The following GALNT13 variants were observed in gnomAD, a reference collection of about 807,000 sequenced individuals.
GALNT13 encodes the protein polypeptide N-acetylgalactosaminyltransferase 13, also known as UDP-GalNAc:polypeptide N-acetylgalactosaminyltransferase 13.
A neutral mutation model predicts 64.2 loss-of-function variants in GALNT13; 28 were observed. That is an observed-to-expected ratio of 0.44 (90% CI 0.32 to 0.60). GALNT13 has a LOEUF of 0.60. Ranked by LOEUF, GALNT13 falls within the 20% of genes least tolerant of loss-of-function variation. The probability of loss-of-function intolerance (pLI) is 0.05; values close to 1 mark genes in which losing one functional copy is unlikely to be tolerated. For missense variants in GALNT13, 577 were observed against 669.8 expected, an observed-to-expected ratio of 0.86 and a Z score of 1.53; for synonymous variants, 214 against 224.6, an observed-to-expected ratio of 0.95 and a Z score of 0.42.
the GALNT13 span, among the ~76,000 whole-genome samples, chr2:153,431,786 A>C: frequency 3.3e-5 from 5 of 152,270 alleles, no homozygotes; most frequent in Non-Finnish European, 5.9e-5. Context: ...TATTTCACAC[A>C]GAATGGCTAT....
chr2:153,484,449 T>C, the GALNT13 span, among the ~76,000 whole-genome samples: 1 of 152,216 alleles, frequency 6.6e-6, no homozygotes. Flanking sequence ...ATGTTTCCTA[T>C]ATTTAAATTA....
At chr2:153,235,350 G>A in the GALNT13 span, among the ~76,000 whole-genome samples, 1 of 152,076 alleles carries the variant, frequency 6.6e-6, no homozygotes, top group African/African-American at 2.4e-5. Flanking sequence ...ACACTCTGAT[G>A]GCTGCTCAAA....
chr2:154,223,339 G>C (rs1446016156), intron 4 of GALNT13, among the ~76,000 whole-genome samples: 2 of 151,640 alleles, frequency 1.3e-5, no homozygotes, highest in East Asian at 3.9e-4. Context: ...GATAGATACT[G>C]TATCTATTTG....
the GALNT13 span, among the ~76,000 whole-genome samples, chr2:153,522,283 A>C: frequency 6.6e-6 from 1 of 152,034 alleles, no homozygotes; most frequent in Non-Finnish European, 1.5e-5. Context: ...CAGTGAGCCC[A>C]GATCGCGCCA....
chr2:154,215,931 C>T (rs1476099998), intron 4 of GALNT13, among the ~76,000 whole-genome samples: 6 of 151,802 alleles, frequency 4.0e-5, no homozygotes, highest in Admixed American at 6.6e-5. Context: ...TTAGGGAAAA[C>T]GAACTCTTAT....
the GALNT13 span, among the ~76,000 whole-genome samples, chr2:153,086,713 A>ATTTATTTTAT: frequency 0.011 from 1,706 of 149,730 alleles, 35 homozygotes; most frequent in African/African-American, 0.038. Flanking sequence ...ATTTTATTTT[A>ATTTATTTTAT]TTTATTTTAT....
chr2:153,556,255 G>T, the GALNT13 span, among the ~76,000 whole-genome samples: 1 of 151,510 alleles, frequency 6.6e-6, no homozygotes, highest in Non-Finnish European at 1.5e-5. Context: ...TATTTTAAAA[G>T]AAAAAAAATG....
At chr2:153,258,794 C>T in the GALNT13 span, among the ~76,000 whole-genome samples, 101 of 152,026 alleles carry the variant, frequency 6.6e-4, no homozygotes, top group East Asian at 0.016. Context: ...TATCAATTAC[C>T]GGTTTTATTC....
the GALNT13 span, among the ~76,000 whole-genome samples, chr2:153,760,028 T>C: frequency 1.3e-5 from 2 of 152,086 alleles, no homozygotes; most frequent in Non-Finnish European, 2.9e-5. Flanking sequence ...AAGTTGTATG[T>C]ATCTACGAAT....
At chr2:153,948,902 A>G (rs1691967200) in intron 3 of GALNT13, among the ~76,000 whole-genome samples, 1 of 152,104 alleles carries the variant, frequency 6.6e-6, no homozygotes, top group Non-Finnish European at 1.5e-5. Flanking sequence ...TACTAGGCCT[A>G]ATACCTCGGT....
the GALNT13 span, among the ~76,000 whole-genome samples, chr2:153,490,686 G>A: frequency 4.3e-3 from 659 of 152,250 alleles, 1 homozygote; most frequent in Non-Finnish European, 5.6e-3. Flanking sequence ...TTGGCTGAGC[G>A]CAGTGGCTCA....
At chr2:153,745,126 T>C in the GALNT13 span, among the ~76,000 whole-genome samples, 114 of 152,150 alleles carry the variant, frequency 7.5e-4, 1 homozygote, top group African/African-American at 2.7e-3. Flanking sequence ...GTCCAGACAG[T>C]GCTTGGAAGT....
chr2:153,355,284 A>T, the GALNT13 span, among the ~76,000 whole-genome samples: 1 of 152,196 alleles, frequency 6.6e-6, no homozygotes, highest in Non-Finnish European at 1.5e-5. Context: ...AGCATGTAAT[A>T]TATATTACAT....
the GALNT13 span, among the ~76,000 whole-genome samples, chr2:153,184,308 TG>T: frequency 6.6e-6 from 1 of 152,254 alleles, no homozygotes; most frequent in African/African-American, 2.4e-5. Context: ...TAGCAATTTT[TG>T]CACATCAATT....
At chr2:153,253,131 C>T in the GALNT13 span, among the ~76,000 whole-genome samples, 1 of 151,434 alleles carries the variant, frequency 6.6e-6, no homozygotes, top group East Asian at 1.9e-4. Context: ...TTGTTTGTAT[C>T]CTCTTATTTC....
the GALNT13 span, among the ~76,000 whole-genome samples, chr2:153,293,307 C>A: frequency 6.6e-6 from 1 of 152,018 alleles, no homozygotes; most frequent in African/African-American, 2.4e-5. Context: ...ACAAGCCCAC[C>A]TGGATTGGCT....
intron 3 of GALNT13, among the ~76,000 whole-genome samples, chr2:154,108,758 A>G (rs1702767137): frequency 6.6e-6 from 1 of 151,894 alleles, no homozygotes; most frequent in Admixed American, 6.6e-5. Context: ...TTAGGGTATG[A>G]GTTTTGTATA....
chr2:153,561,503 T>C, the GALNT13 span, among the ~76,000 whole-genome samples: 1 of 152,094 alleles, frequency 6.6e-6, no homozygotes, highest in South Asian at 2.1e-4. Flanking sequence ...ATGTTTTTGA[T>C]GTGTTTTGAC....
intron 9 of GALNT13, among the ~76,000 whole-genome samples, chr2:154,331,284 A>AT (rs965244645): frequency 1.7e-4 from 25 of 151,306 alleles, no homozygotes; most frequent in South Asian, 4.2e-4. Context: ...CAGTAACTAC[A>AT]TTTTTTTTTA....
Sources: allele counts gnomAD v4.1 joint callset (sites outside exome capture counted in the v4.1 genomes callset), GRCh38; gene constraint gnomAD v4.1.1; transcripts MANE v1.5; gene names NCBI Gene and HGNC (gene_info 2026-07-23, HGNC 2026-07-21).